RBBP8: variants seen among roughly 807,000 people sequenced by gnomAD.
The protein encoded by RBBP8 is DNA endonuclease RBBP8.
In RBBP8, 88 loss-of-function variants were observed where a neutral mutation model predicts 108.3. The observed-to-expected ratio is 0.81, with a 90% CI of 0.68 to 0.97. RBBP8 has a LOEUF of 0.97. RBBP8 is among the 50% of genes least tolerant of loss of function. The pLI is 0.00. For synonymous variants in RBBP8, 332 were observed against 348.2 expected, an observed-to-expected ratio of 0.95 and a Z score of 0.52; for missense variants, 1,023 against 1,049.0, an observed-to-expected ratio of 0.98 and a Z score of 0.34.
chr18:23,016,906 G>C lies in RBBP8; in HGVS notation c.2436G>C (p.Thr812=), dbSNP rs765273428. 13 of 1,612,972 alleles carry C rather than the reference G, an allele frequency of 8.1e-6. No individual in the cohort carries two copies. Among genetic ancestry groups the C allele is most frequent in the Non-Finnish European group, 1.1e-5 (13 of 1,179,300 alleles). The change falls in exon 17 of 19, where the codon ACG becomes ACC. Residue 812 remains threonine (T), a synonymous_variant. Transcript: ENST00000327155. Reference sequence around the variant, plus strand: ...AGAGAAGAAAACTGCTTGGGCACACGTGTAAGGAATGTGAAATTGTAAGTA... The same window carrying C: ...AGAGAAGAAAACTGCTTGGGCACACCTGTAAGGAATGTGAAATTGTAAGTA... ...KEERRKLLGH[T]CKECEIYYAD...
At chr18:22,950,555 AGCAAGACCGT>A (rs1181304480) in intron 4 of RBBP8, among the ~76,000 whole-genome samples, 1 of 139,762 alleles carries the variant, frequency 7.2e-6, no homozygotes, top group Non-Finnish European at 1.5e-5. Context: ...TGGGTGACAG[AGCAAGACCGT>A]GTCTCCAAAA....
In RBBP8 at chr18:22,918,604, C is replaced by T. The variant is rs145246534; in HGVS notation, c.-154+1578C>T. Among the ~76,000 whole-genome samples the T allele has an allele frequency of 9.2e-3, 1,404 of 152,196 alleles. 24 individuals are homozygous for T. The highest frequency in any genetic ancestry group is 9.0e-3 in the Non-Finnish European group (610 of 68,006). ...AGTGCATGGCTGTACCTTACTTGTG[C>T]CTTCTGAGTTTTCCAACAGCTTTTT... On this transcript the variant is annotated intron_variant, in intron 3 of 4. Coordinates refer to the RBBP8 transcript ENST00000577588.
chr18:23,011,485 G>C (rs1223106347), intron 16 of RBBP8, among the ~76,000 whole-genome samples: 1 of 142,866 alleles, frequency 7.0e-6, no homozygotes, highest in East Asian at 2.1e-4. Flanking sequence ...TCGCCAGGCT[G>C]GAGTGCAGTG....
chr18:22,993,282 T>G lies in RBBP8; in HGVS notation c.1455T>G (p.Cys485Trp). Residue 485 changes from cysteine to tryptophan, a missense_variant, in exon 11 of 19, where the codon TGT becomes TGG. Physicochemically the swap from Cys to Trp is radical, Grantham distance 215 (BLOSUM62 -2). Transcript: ENST00000327155. ...ATCAGTTTTCCATGAATGGAGACTG[T>G]GTGATGGATAAACCTCTGGATCTGT... is the stretch of plus-strand genomic sequence containing the variant. ...MDNQFSMNGD[C>W]VMDKPLDLSD... is the part of the protein sequence containing the mutation. 6.2e-7 allele frequency: 1 copy of G among 1,614,212 alleles called. No individual in the cohort carries two copies.
intron 5 of RBBP8, among the ~76,000 whole-genome samples, chr18:22,969,458 G>A (rs1403955738): frequency 6.6e-6 from 1 of 151,736 alleles, no homozygotes; most frequent in Non-Finnish European, 1.5e-5. Context: ...TTCTTTTGGT[G>A]ACCATTACCT....
At chr18:23,006,213 T>C in intron 15 of RBBP8, 150 bp from the exon 16 acceptor site, 2 of 690,708 alleles carry the variant, frequency 2.9e-6, no homozygotes, top group Non-Finnish European at 5.0e-6. Flanking sequence ...GTTACAAAGT[T>C]GCAGAAAATT....
intron 3 of RBBP8, among the ~76,000 whole-genome samples, chr18:22,925,058 T>A (rs1384800489): frequency 6.6e-6 from 1 of 151,990 alleles, no homozygotes; most frequent in African/African-American, 2.4e-5. Flanking sequence ...TTTATTTTTA[T>A]TTTCTTGTAG....
intron 4 of RBBP8, chr18:22,950,041 G>A (rs1430955935): frequency 1.4e-5 from 3 of 215,040 alleles, no homozygotes; most frequent in Non-Finnish European, 2.8e-5. Flanking sequence ...TTCTGTTTCT[G>A]TCGTCTTTTC....
At chr18:22,953,187 G>C (rs1227846830) in intron 4 of RBBP8, among the ~76,000 whole-genome samples, 1 of 152,212 alleles carries the variant, frequency 6.6e-6, no homozygotes, top group African/African-American at 2.4e-5. Flanking sequence ...CTAACAGGGA[G>C]TCCTGGAGCC....
chr18:23,011,758 GT>G (rs1315885414), intron 16 of RBBP8, among the ~76,000 whole-genome samples: 3 of 151,980 alleles, frequency 2.0e-5, no homozygotes, highest in Non-Finnish European at 4.4e-5. Flanking sequence ...TATTATAAGT[GT>G]TTTGGGTCAT....
At chr18:22,965,368 G>C (rs1020205291) in intron 4 of RBBP8, among the ~76,000 whole-genome samples, 1 of 152,088 alleles carries the variant, frequency 6.6e-6, no homozygotes, top group Non-Finnish European at 1.5e-5. Context: ...CTGTTAGAAT[G>C]ATCTGGCTGG....
intron 12 of RBBP8, among the ~76,000 whole-genome samples, 200 bp downstream of exon 12, chr18:22,994,047 G>A (rs1459350441): frequency 2.4e-5 from 3 of 123,920 alleles, no homozygotes; most frequent in African/African-American, 9.2e-5. Context: ...TTGAGACGGA[G>A]TCTCGCTCTG....
Position 22,992,797 on chromosome 18 carries a change from C to G in RBBP8, c.970C>G (p.Arg324Gly), listed in dbSNP as rs373907735. 5 of 1,604,604 alleles carry G rather than the reference C, an allele frequency of 3.1e-6. No homozygotes were observed. The highest frequency in any genetic ancestry group is 1.7e-6 in the Non-Finnish European group (2 of 1,171,612). The change falls in exon 11 of 19, where the codon CGA becomes GGA. Residue 324 changes from arginine (R) to glycine (G), a missense_variant. Physicochemically the swap from Arg to Gly is moderately radical, Grantham distance 125 (BLOSUM62 -2). Coordinates refer to ENST00000327155, the MANE Select transcript of RBBP8 (RefSeq NM_002894.3). Reference sequence around the variant, plus strand: ...TCCTCCTCAAGAAGAATTACCTACTCGAGTGTCATCTCCTGTATTTGGAGC... The same window carrying G: ...TCCTCCTCAAGAAGAATTACCTACTGGAGTGTCATCTCCTGTATTTGGAGC... ...KTPPQEELPT[R>G]VSSPVFGATS...
intron 5 of RBBP8, among the ~76,000 whole-genome samples, chr18:22,974,616 T>G (rs771352444): frequency 3.3e-5 from 5 of 152,176 alleles, no homozygotes; most frequent in Non-Finnish European, 7.4e-5. Flanking sequence ...TGCGCCACCA[T>G]GTCCGGCTGA....
chr18:23,001,778 T>C, intron 15 of RBBP8, 49 bp downstream of exon 15: 1 of 1,594,806 alleles, frequency 6.3e-7, no homozygotes, highest in Admixed American at 1.7e-5. Context: ...CAGAATTCAG[T>C]AAGTTAAGTT....
chr18:23,024,960 A>C (rs1246007141), intron 18 of RBBP8, among the ~76,000 whole-genome samples: 2 of 152,198 alleles, frequency 1.3e-5, no homozygotes, highest in African/African-American at 2.4e-5. Context: ...TATAGAAACT[A>C]TTCTCAGCTG....
intron 3 of RBBP8, among the ~76,000 whole-genome samples, chr18:22,928,221 A>G (rs1267187533): frequency 1.3e-5 from 2 of 152,022 alleles, no homozygotes; most frequent in Non-Finnish European, 2.9e-5. Flanking sequence ...AAAAAGTAGG[A>G]AAACAGAAGA....
chr18:22,925,081 G>T (rs187890534), intron 3 of RBBP8, among the ~76,000 whole-genome samples: 2 of 151,850 alleles, frequency 1.3e-5, no homozygotes, highest in Admixed American at 1.3e-4. Flanking sequence ...ACAGGGTCTT[G>T]TTATGTTGCC....
At chr18:22,926,330 GGA>G (rs1909790833) in intron 3 of RBBP8, among the ~76,000 whole-genome samples, 1 of 152,182 alleles carries the variant, frequency 6.6e-6, no homozygotes, top group South Asian at 2.1e-4. Flanking sequence ...TGCTGAGGCA[GGA>G]GAATCACTTG....
Sources: gnomAD v4.1 joint callset for allele counts (sites outside exome capture counted in the v4.1 genomes callset) on GRCh38, gnomAD v4.1.1 for gene constraint, MANE v1.5 for transcripts, NCBI Gene and HGNC (gene_info 2026-07-23, HGNC 2026-07-21) for gene names.